The following ZEB1 variants were observed in gnomAD, a reference collection of about 807,000 sequenced individuals.
ZEB1 encodes the protein zinc finger E-box-binding homeobox 1.
Under a neutral mutation model 84.9 loss-of-function variants are expected in ZEB1, and 21 were observed. That is an observed-to-expected ratio of 0.25 (90% CI 0.18 to 0.36). ZEB1 has a LOEUF of 0.36. ZEB1 is among the 10% of genes least tolerant of loss of function. The pLI, the probability that ZEB1 is intolerant of heterozygous loss-of-function variation, is 1.00. For missense variants in ZEB1, 1,104 were observed against 1,330.2 expected, an observed-to-expected ratio of 0.83 and a Z score of 2.65; for synonymous variants, 420 against 471.1, an observed-to-expected ratio of 0.89 and a Z score of 1.41.
At chr10:31,456,594 T>A (rs912719053) in intron 1 of ZEB1, among the ~76,000 whole-genome samples, 1 of 152,138 alleles carries the variant, frequency 6.6e-6, no homozygotes, top group African/African-American at 2.4e-5. Flanking sequence ...TGTAACGATT[T>A]TCAGTCAGGA....
At chr10:31,406,081 C>A (rs2052960183) in intron 1 of ZEB1, among the ~76,000 whole-genome samples, 1 of 152,136 alleles carries the variant, frequency 6.6e-6, no homozygotes, top group Admixed American at 6.5e-5. Flanking sequence ...TTTTCTTTAT[C>A]CAGTCTATCA....
intron 1 of ZEB1, among the ~76,000 whole-genome samples, chr10:31,365,953 G>T (rs959802683): frequency 6.6e-6 from 1 of 152,178 alleles, no homozygotes; most frequent in Non-Finnish European, 1.5e-5. Context: ...AAACCGTTTT[G>T]CCTCTTCTTT....
At chr10:31,318,585 C>G (rs2032820051), upstream of ZEB1, 1 of 153,294 alleles carries the variant, frequency 6.5e-6, no homozygotes, top group South Asian at 2.0e-4. Flanking sequence ...GGTCAGGTAG[C>G]CTCTCTCCGG....
At chr10:31,456,935 C>A (rs539380912) in intron 1 of ZEB1, among the ~76,000 whole-genome samples, 1 of 152,260 alleles carries the variant, frequency 6.6e-6, no homozygotes, top group African/African-American at 2.4e-5. Flanking sequence ...ATAATACCAA[C>A]AACTACCACC....
At chr10:31,407,718 A>C (rs909850448) in intron 1 of ZEB1, among the ~76,000 whole-genome samples, 3 of 151,964 alleles carry the variant, frequency 2.0e-5, no homozygotes, top group Non-Finnish European at 4.4e-5. Context: ...AATTCTCAAT[A>C]AATTAGGTAT....
chr10:31,410,086 C>T (rs546852235), intron 1 of ZEB1, among the ~76,000 whole-genome samples: 12 of 152,196 alleles, frequency 7.9e-5, no homozygotes, highest in Admixed American at 6.5e-4. Context: ...TGTCTTGTGC[C>T]GGTTTTCAAA....
intron 3 of ZEB1, among the ~76,000 whole-genome samples, chr10:31,499,795 A>G (rs2139160474): frequency 6.6e-6 from 1 of 152,260 alleles, no homozygotes; most frequent in African/African-American, 2.4e-5. Flanking sequence ...TCAATAATGA[A>G]GAAAACATAA....
At chr10:31,356,061 A>G (rs938094200) in intron 1 of ZEB1, among the ~76,000 whole-genome samples, 4 of 152,148 alleles carry the variant, frequency 2.6e-5, no homozygotes, top group African/African-American at 9.7e-5. Flanking sequence ...ACAGAAATGT[A>G]AAACTATTAA....
intron 4 of ZEB1, among the ~76,000 whole-genome samples, chr10:31,504,163 A>T (rs931216032): frequency 2.0e-5 from 3 of 152,056 alleles, no homozygotes; most frequent in Non-Finnish European, 4.4e-5. Flanking sequence ...GTCCAGTTTC[A>T]TTCTTCACAT....
At chr10:31,362,289 G>A (rs532720765) in intron 1 of ZEB1, among the ~76,000 whole-genome samples, 11 of 151,178 alleles carry the variant, frequency 7.3e-5, no homozygotes, top group African/African-American at 2.2e-4. Context: ...GATAGTGGGC[G>A]GCTGGGCAGA....
chr10:31,485,542 C>A (rs983575837), intron 2 of ZEB1, among the ~76,000 whole-genome samples: 1 of 151,820 alleles, frequency 6.6e-6, no homozygotes, highest in Non-Finnish European at 1.5e-5. Context: ...AATACAAAAA[C>A]ATTATTGTGT....
Position 31,520,766 on chromosome 10 carries a change from C to T in ZEB1, c.1434C>T (p.Tyr478=), listed in dbSNP as rs1054105876. 61 of 1,613,924 alleles carry T rather than the reference C, an allele frequency of 3.8e-5. No homozygotes were observed. Among genetic ancestry groups the T allele is most frequent in the Non-Finnish European group, 5.1e-5 (60 of 1,179,992 alleles). Residue 478 remains tyrosine, a synonymous_variant, in exon 7 of 9, where the codon TAC becomes TAT. Coordinates refer to ENST00000424869, the MANE Select transcript of ZEB1 (RefSeq NM_001174096.2). This position sits in a 1 kb window ranked among gnomAD's most constrained non-coding sequence, Gnocchi z 5.1. ...GAACAACCAAAATTATCATCAACTA[C>T]AGTCTTGAGCAGCCTAGCCAACTTC... ...QDGTTKIIIN[Y]SLEQPSQLQV...
intron 5 of ZEB1, among the ~76,000 whole-genome samples, chr10:31,514,087 A>G (rs1186552441): frequency 2.6e-5 from 4 of 152,156 alleles, no homozygotes; most frequent in Admixed American, 6.5e-5. Flanking sequence ...TTTAATCATC[A>G]GATTAAAGTA....
chr10:31,516,045 A>G (rs571350043), intron 6 of ZEB1, among the ~76,000 whole-genome samples: 5 of 152,110 alleles, frequency 3.3e-5, no homozygotes, highest in Non-Finnish European at 7.4e-5. Context: ...GATTTATCAG[A>G]TCTATAAATA....
chr10:31,446,979 CTG>C (rs1235617937), intron 1 of ZEB1, among the ~76,000 whole-genome samples: 1 of 151,936 alleles, frequency 6.6e-6, no homozygotes, highest in Non-Finnish European at 1.5e-5. Flanking sequence ...TGTTGACTTT[CTG>C]TCTCGTTGAT....
intron 1 of ZEB1, among the ~76,000 whole-genome samples, chr10:31,324,387 G>A (rs760565518): frequency 5.9e-5 from 9 of 151,884 alleles, no homozygotes; most frequent in Non-Finnish European, 1.2e-4. Flanking sequence ...TTTTTCTTTT[G>A]CTTTATCCTC....
intron 1 of ZEB1, among the ~76,000 whole-genome samples, chr10:31,454,360 G>A (rs1010095108): frequency 6.6e-6 from 1 of 152,074 alleles, no homozygotes; most frequent in African/African-American, 2.4e-5. Flanking sequence ...ACAAGACAAA[G>A]ATGCCCTCTC....
At chr10:31,517,849 ATAACCCTATGGAG>A (rs2071445655) in intron 6 of ZEB1, among the ~76,000 whole-genome samples, 1 of 152,144 alleles carries the variant, frequency 6.6e-6, no homozygotes, top group African/African-American at 2.4e-5. Flanking sequence ...AGTCCTCAGG[ATAACCCTATGGAG>A]TAGGTTTTAT....
chr10:31,333,722 A>T (rs1473393805), intron 1 of ZEB1, among the ~76,000 whole-genome samples: 1 of 152,114 alleles, frequency 6.6e-6, no homozygotes, highest in African/African-American at 2.4e-5. Context: ...ATTAGTAATT[A>T]CAGTGCATAT....
Sources: allele counts gnomAD v4.1 joint callset (sites outside exome capture counted in the v4.1 genomes callset), GRCh38; gene constraint gnomAD v4.1.1; non-coding constraint Gnocchi (gnomAD v3.1); transcripts MANE v1.5; gene names NCBI Gene and HGNC (gene_info 2026-07-23, HGNC 2026-07-21).